MED12L: variants seen among roughly 807,000 people sequenced by gnomAD.
The protein encoded by MED12L is mediator of RNA polymerase II transcription subunit 12-like protein.
A neutral mutation model predicts 281.3 loss-of-function variants in MED12L; 60 were observed. That is an observed-to-expected ratio of 0.21 (90% CI 0.17 to 0.26). MED12L has a LOEUF of 0.26. Ranked by LOEUF, MED12L falls within the 10% of genes least tolerant of loss-of-function variation. The pLI is 1.00. For missense variants in MED12L, 2,146 were observed against 2,680.9 expected (o/e 0.80, Z 4.41); for synonymous variants, 974 against 987.2 (o/e 0.99, Z 0.25).
intron 22 of MED12L, among the ~76,000 whole-genome samples, 179 bp from the exon 23 acceptor site, chr3:151,365,671 G>C (rs1037356291): frequency 6.6e-6 from 1 of 152,140 alleles, no homozygotes; most frequent in Non-Finnish European, 1.5e-5. Context: ...AATATTTGAA[G>C]CCATTGTTAT....
Position 151,436,131 on chromosome 3 carries a change from A to C in MED12L, c.*3327A>C, listed in dbSNP as rs1238827656. 1 of 152,284 alleles carries C rather than the reference A, an allele frequency of 6.6e-6. No individual in the cohort carries two copies. The highest frequency in any genetic ancestry group is 1.5e-5 in the Non-Finnish European group (1 of 68,096). The allele number at this position is 152,284 out of a possible 1,614,324, so 9.4% of individuals were successfully genotyped here. A position where few individuals can be genotyped will look rare whatever the true frequency, so the allele number is the denominator to read the frequency against. On this transcript the variant is annotated 3_prime_UTR_variant, in exon 45 of 45. Transcript: ENST00000687756. ...TATTTTTAAATGCAGTTATTAAAAC[A>C]TTTTTGTATTCCCCATCAATGAAAA...
intron 43 of MED12L, among the ~76,000 whole-genome samples, chr3:151,424,799 G>A (rs1043854398): frequency 1.3e-5 from 2 of 152,138 alleles, no homozygotes; most frequent in South Asian, 2.1e-4. Context: ...AACCCTATAC[G>A]TTGTTGTTCC....
chr3:151,161,242 A>T (rs879609810), intron 8 of MED12L, among the ~76,000 whole-genome samples: 3 of 151,654 alleles, frequency 2.0e-5, no homozygotes, highest in Non-Finnish European at 4.4e-5. Context: ...TCAGCTTTGG[A>T]CTATTTTGGA....
At chr3:151,208,595 T>C (rs1311117670) in intron 16 of MED12L, among the ~76,000 whole-genome samples, 3 of 151,986 alleles carry the variant, frequency 2.0e-5, no homozygotes, top group African/African-American at 7.3e-5. Flanking sequence ...GGCAGGAGAA[T>C]CGAACCCTGG....
intron 43 of MED12L, 59 bp downstream of exon 43, chr3:151,416,481 TTGTTCA>T: frequency 1.3e-6 from 2 of 1,560,512 alleles, no homozygotes; most frequent in Non-Finnish European, 1.8e-6. Flanking sequence ...GCAGGTTGCA[TTGTTCA>T]TGTTCATAAG....
At position 151,213,370 on chromosome 3, in the gene MED12L, G is replaced by A. The variant is rs772610505; in HGVS notation, c.2250+19704G>A. The A allele has an allele frequency of 2.1e-5, 34 of 1,613,696 alleles. No individual in the cohort carries two copies. The South Asian group carries it at 3.7e-4, about 18-fold the overall frequency. The stretch of plus-strand genomic sequence containing the variant: ...TCTGGAAATGTCTAGGTCATTCTGA[G>A]CTTTTAATGGAATGTGCAATTTCTT... On this transcript the variant is annotated intron_variant, in intron 16 of 44. Coordinates refer to ENST00000687756, the MANE Select transcript of MED12L (RefSeq NM_001393769.1).
chr3:151,386,483 G>A (rs1263101773), intron 36 of MED12L, among the ~76,000 whole-genome samples: 6 of 151,968 alleles, frequency 3.9e-5, no homozygotes, highest in South Asian at 2.1e-4. Flanking sequence ...TCTGTCTCTC[G>A]GGTTCAAACG....
At chr3:151,156,030 C>T (rs1719229799) in intron 5 of MED12L, 131 bp from the exon 6 acceptor site, 2 of 755,840 alleles carry the variant, frequency 2.6e-6, no homozygotes, top group African/African-American at 1.8e-5. Context: ...TGTACAGGCA[C>T]AGATCATTTT....
At chr3:151,404,193 A>AT (rs994829643) in intron 39 of MED12L, among the ~76,000 whole-genome samples, 1 of 152,116 alleles carries the variant, frequency 6.6e-6, no homozygotes, top group African/African-American at 2.4e-5. Context: ...GAAAATGTGT[A>AT]TTTTTGCTAT....
At chr3:151,264,229 G>C (rs1055164787) in intron 16 of MED12L, among the ~76,000 whole-genome samples, 2 of 152,148 alleles carry the variant, frequency 1.3e-5, no homozygotes, top group Non-Finnish European at 2.9e-5. Context: ...TTTTGAGGTT[G>C]GTCTTCAGTA....
intron 16 of MED12L, chr3:151,336,649 C>A (rs146453827): frequency 1.2e-5 from 5 of 423,320 alleles, no homozygotes; most frequent in Admixed American, 1.1e-4. Context: ...AATTAGACTG[C>A]ATGTTATAAG....
chr3:151,387,159 A>G (rs1713529241), intron 36 of MED12L, among the ~76,000 whole-genome samples: 1 of 152,118 alleles, frequency 6.6e-6, no homozygotes, highest in Non-Finnish European at 1.5e-5. Context: ...AAGTGCCAAG[A>G]GATGTCACCA....
chr3:151,364,965 T>C lies in MED12L; in HGVS notation c.2958-14T>C. 6.3e-7 allele frequency: 1 copy of C among 1,584,192 alleles called. No homozygotes were observed. Among genetic ancestry groups the C allele is most frequent in the Non-Finnish European group, 8.7e-7 (1 of 1,154,324 alleles). ...TTTATTTTTCTGTTTTAACTTTTTT[T>C]CTTATAACCTCAGTAGTGCCTGTTC... On this transcript the variant is annotated splice_polypyrimidine_tract_variant and intron_variant, in intron 21 of 44. Coordinates refer to ENST00000687756, the MANE Select transcript of MED12L (RefSeq NM_001393769.1).
intron 16 of MED12L, among the ~76,000 whole-genome samples, chr3:151,344,953 AATAAAG>A (rs1752348179): frequency 6.6e-6 from 1 of 152,218 alleles, no homozygotes; most frequent in Non-Finnish European, 1.5e-5. Flanking sequence ...ATTTTAAAGA[AATAAAG>A]ATGAATTAGA....
At chr3:151,236,662 A>G (rs1465177260) in intron 16 of MED12L, among the ~76,000 whole-genome samples, 1 of 152,172 alleles carries the variant, frequency 6.6e-6, no homozygotes, top group African/African-American at 2.4e-5. Flanking sequence ...TAACATCTAT[A>G]TGTATTCCTA....
At chr3:151,142,389 T>G (rs1476177233) in intron 5 of MED12L, among the ~76,000 whole-genome samples, 1 of 152,208 alleles carries the variant, frequency 6.6e-6, no homozygotes, top group Non-Finnish European at 1.5e-5. Context: ...ATCTGTTGCT[T>G]AAAGCATAAA....
chr3:151,263,792 T>A (rs747576410), intron 16 of MED12L, among the ~76,000 whole-genome samples: 16 of 152,208 alleles, frequency 1.1e-4, no homozygotes, highest in Non-Finnish European at 1.9e-4. Flanking sequence ...TCTGTGACTC[T>A]TGGTAAAATA....
intron 11 of MED12L, among the ~76,000 whole-genome samples, chr3:151,166,389 C>A (rs1720716041): frequency 1.3e-5 from 2 of 151,708 alleles, no homozygotes; most frequent in Admixed American, 1.3e-4. Context: ...AATCCTTAGA[C>A]AATGTGTTAG....
intron 16 of MED12L, chr3:151,198,402 T>C (rs766096054): frequency 1.3e-6 from 2 of 1,548,176 alleles, no homozygotes; most frequent in East Asian, 2.3e-5. Context: ...AAGGCCAGAA[T>C]TGGTAGCACA....
Sources: gnomAD v4.1 joint callset for allele counts (sites outside exome capture counted in the v4.1 genomes callset) on GRCh38, gnomAD v4.1.1 for gene constraint, MANE v1.5 for transcripts, NCBI Gene and HGNC (gene_info 2026-07-23, HGNC 2026-07-21) for gene names.